The following CELF1 variants were observed in gnomAD, a reference collection of about 807,000 sequenced individuals.
CELF1 encodes CUGBP Elav-like family member 1, also known as 50 kDa nuclear polyadenylated RNA-binding protein.
CELF1 carries 10 observed loss-of-function variants against 61.8 expected under a neutral mutation model. The observed-to-expected ratio is 0.16, with a 90% CI of 0.10 to 0.27. The LOEUF (loss-of-function observed/expected upper bound fraction) is 0.27, where lower values mean the gene tolerates loss of function less well. Ranked by LOEUF, CELF1 falls within the 10% of genes least tolerant of loss-of-function variation. The probability of loss-of-function intolerance (pLI) is 1.00; values close to 1 mark genes in which losing one functional copy is unlikely to be tolerated. For synonymous variants in CELF1, 236 were observed against 225.1 expected, an observed-to-expected ratio of 1.05 and a Z score of -0.43; for missense variants, 380 against 639.1, an observed-to-expected ratio of 0.59 and a Z score of 4.37.
intron 2 of CELF1, among the ~76,000 whole-genome samples, chr11:47,560,001 CAA>C (rs770878595): frequency 3.6e-4 from 27 of 75,336 alleles, no homozygotes; most frequent in Admixed American, 7.9e-4. Flanking sequence ...GACTCTATCT[CAA>C]AAAAAAAAAA....
chr11:47,504,039 G>T (rs184642904), intron 1 of CELF1, among the ~76,000 whole-genome samples: 38 of 152,226 alleles, frequency 2.5e-4, no homozygotes, highest in African/African-American at 8.7e-4. Flanking sequence ...AGCTGAGTGT[G>T]GTGATGCATA....
chr11:47,524,874 CAAA>C (rs2096156859), intron 1 of CELF1: 3 of 152,206 alleles, frequency 2.0e-5, no homozygotes, highest in South Asian at 2.1e-4. Flanking sequence ...ATGCTCCAGA[CAAA>C]AAACAGAAAC....
chr11:47,544,104 C>G (rs1158753569), intron 1 of CELF1, among the ~76,000 whole-genome samples: 5 of 152,150 alleles, frequency 3.3e-5, no homozygotes, highest in Non-Finnish European at 7.4e-5. Context: ...TTCAGACACA[C>G]AAATCTTATC....
intron 1 of CELF1, among the ~76,000 whole-genome samples, chr11:47,520,824 G>A (rs1186730923): frequency 2.6e-5 from 4 of 151,378 alleles, no homozygotes; most frequent in African/African-American, 7.3e-5. Context: ...GCTCCCCCCC[G>A]ACCCAAAAAA....
intron 1 of CELF1, among the ~76,000 whole-genome samples, chr11:47,531,238 G>A (rs773937879): frequency 2.7e-5 from 4 of 150,850 alleles, no homozygotes; most frequent in Non-Finnish European, 4.4e-5. Context: ...GCAAGACTCC[G>A]AATCAAAACA....
At chr11:47,513,097 G>C (rs114068499) in intron 1 of CELF1, among the ~76,000 whole-genome samples, 94 of 152,236 alleles carry the variant, frequency 6.2e-4, no homozygotes, top group African/African-American at 2.2e-3. Flanking sequence ...ACTAACACTA[G>C]GTCATCTAAA....
intron 1 of CELF1, among the ~76,000 whole-genome samples, chr11:47,528,695 A>G (rs2096351674): frequency 6.6e-6 from 1 of 152,150 alleles, no homozygotes; most frequent in East Asian, 1.9e-4. Flanking sequence ...CTGCCTGAGC[A>G]ATACAGTGAG....
intron 1 of CELF1, among the ~76,000 whole-genome samples, chr11:47,548,879 A>T (rs2097057964): frequency 6.6e-6 from 1 of 151,626 alleles, no homozygotes; most frequent in African/African-American, 2.4e-5. Flanking sequence ...AAAAAAAAAA[A>T]AAAAAATCCA....
At chr11:47,486,687 T>A in intron 6 of CELF1, 63 bp downstream of exon 6, 1 of 1,325,838 alleles carries the variant, frequency 7.5e-7, no homozygotes, top group Non-Finnish European at 1.1e-6. Flanking sequence ...GGATTACAGG[T>A]GTGAGCCACC....
chr11:47,563,891 G>A (rs1376071478), intron 2 of CELF1, among the ~76,000 whole-genome samples: 3 of 151,190 alleles, frequency 2.0e-5, no homozygotes, highest in African/African-American at 7.3e-5. Context: ...CGTGGTGGCA[G>A]CTACTCGGGA....
chr11:47,473,094 A>G lies in CELF1; in HGVS notation c.1411T>C (p.Cys471Arg). The G allele has an allele frequency of 1.9e-6, 3 of 1,613,952 alleles. No homozygotes were observed. The highest frequency in any genetic ancestry group is 2.5e-6 in the Non-Finnish European group (3 of 1,179,944). The change falls in exon 14 of 15, where the codon TGT becomes CGT. Residue 471 changes from cysteine (C) to arginine (R), a missense_variant. Cys to Arg is a radical substitution (Grantham distance 180). Coordinates refer to ENST00000687097, the MANE Select transcript of CELF1 (RefSeq NM_001376376.1). ...CAGAGAGAAGCCAACATACCAAAACACTTGCTCAGGTTTGTCTGCTTGTCT... is the reference window on the plus strand; with the variant it reads ...CAGAGAGAAGCCAACATACCAAAACGCTTGCTCAGGTTTGTCTGCTTGTCT... ...FIDKQTNLSK[C>R]FGFVSYDNPV... is the part of the protein sequence containing the mutation.
At chr11:47,537,174 C>G (rs2096649403) in intron 1 of CELF1, among the ~76,000 whole-genome samples, 1 of 151,984 alleles carries the variant, frequency 6.6e-6, no homozygotes, top group African/African-American at 2.4e-5. Flanking sequence ...GTCTAGGAGC[C>G]TTCTGACTGT....
upstream of CELF1, among the ~76,000 whole-genome samples, chr11:47,556,443 C>T (rs887312384): frequency 6.6e-6 from 1 of 152,224 alleles, no homozygotes; most frequent in Admixed American, 6.5e-5. Context: ...ACTCGGCCTT[C>T]CGAAGTTTTG....
At chr11:47,524,753 C>T (rs1410394686) in intron 1 of CELF1, 2 of 152,158 alleles carry the variant, frequency 1.3e-5, no homozygotes, top group African/African-American at 2.4e-5. Context: ...GATTCTGCTC[C>T]GTGCTCAGAG....
At position 47,476,863 on chromosome 11, in the gene CELF1, T is replaced by C. The variant is rs145340697; in HGVS notation, c.1070A>G (p.Asn357Ser). The C allele has an allele frequency of 4.2e-5, 67 of 1,614,082 alleles. No homozygotes were observed. The highest frequency in any genetic ancestry group is 3.7e-4 in the Admixed American group (22 of 60,030). ...CCCCTTACCTGCCAAAGAGCCAACATTGAGGCCAGCCGTTGCTCCAGCTAA... is the reference window on the plus strand; with the variant it reads ...CCCCTTACCTGCCAAAGAGCCAACACTGAGGCCAGCCGTTGCTCCAGCTAA... The part of the protein sequence containing the change: ...QTLAGATAGL[N>S]VGSLAGMAAL... The change falls in exon 12 of 15, where the codon AAT becomes AGT. Residue 357 changes from asparagine to serine, a missense_variant. Coordinates refer to ENST00000687097, the MANE Select transcript of CELF1 (RefSeq NM_001376376.1).
intron 1 of CELF1, among the ~76,000 whole-genome samples, chr11:47,552,449 G>T (rs775029413): frequency 1.3e-5 from 2 of 152,230 alleles, no homozygotes; most frequent in Non-Finnish European, 2.9e-5. Context: ...CACCTGATGT[G>T]GGGGGAGGGC....
intron 1 of CELF1, among the ~76,000 whole-genome samples, chr11:47,530,984 T>C (rs2096454603): frequency 6.6e-6 from 1 of 152,022 alleles, no homozygotes. Context: ...TGGTAGCTCA[T>C]GCCTGTAATC....
intron 9 of CELF1, among the ~76,000 whole-genome samples, chr11:47,481,309 T>G (rs1033159217): frequency 6.6e-6 from 1 of 151,814 alleles, no homozygotes; most frequent in Admixed American, 6.6e-5. Flanking sequence ...TTTGTATTTT[T>G]AGTATAGACA....
intron 1 of CELF1, among the ~76,000 whole-genome samples, chr11:47,536,004 C>T (rs978915491): frequency 1.3e-5 from 2 of 152,002 alleles, no homozygotes; most frequent in African/African-American, 2.4e-5. Flanking sequence ...CCTTGTGATC[C>T]GCCCGCCTCA....
Sources: allele counts gnomAD v4.1 joint callset (sites outside exome capture counted in the v4.1 genomes callset), GRCh38; gene constraint gnomAD v4.1.1; transcripts MANE v1.5; gene names NCBI Gene and HGNC (gene_info 2026-07-23, HGNC 2026-07-21).